RYR2: variants seen among roughly 807,000 people sequenced by gnomAD.
RYR2 encodes the protein cardiac muscle ryanodine receptor-calcium release channel.
Under a neutral mutation model 601.1 loss-of-function variants are expected in RYR2, and 227 were observed. The ratio of observed to expected loss-of-function variants is 0.38; its 90% confidence interval spans 0.34 to 0.42. RYR2 has a LOEUF of 0.42. Ranked by LOEUF, RYR2 falls within the 10% of genes least tolerant of loss-of-function variation. The pLI, the probability that RYR2 is intolerant of heterozygous loss-of-function variation, is 1.00. For synonymous variants in RYR2, 2,223 were observed against 2,175.1 expected, an observed-to-expected ratio of 1.02 and a Z score of -0.61; for missense variants, 4,646 against 6,156.5, an observed-to-expected ratio of 0.75 and a Z score of 8.21.
intron 24 of RYR2, among the ~76,000 whole-genome samples, chr1:237,517,829 T>A (rs542068777): frequency 1.3e-5 from 2 of 152,242 alleles, no homozygotes; most frequent in African/African-American, 4.8e-5. Flanking sequence ...ATTTTTTTTT[T>A]AAATTCACAA....
intron 29 of RYR2, among the ~76,000 whole-genome samples, chr1:237,579,021 GA>G (rs68141759): frequency 0.3 from 45,374 of 151,658 alleles, 7,274 homozygotes; most frequent in East Asian, 0.61. Flanking sequence ...AGCTTAGAGG[GA>G]AAAAAAAAGA....
chr1:237,728,279 C>T (rs1690362763), intron 76 of RYR2, among the ~76,000 whole-genome samples: 1 of 152,126 alleles, frequency 6.6e-6, no homozygotes, highest in African/African-American at 2.4e-5. Context: ...CATCGTGTCA[C>T]ACTCACTGGG....
At chr1:237,751,297 G>A (rs369076353) in intron 80 of RYR2, among the ~76,000 whole-genome samples, 13 of 152,144 alleles carry the variant, frequency 8.5e-5, no homozygotes, top group Non-Finnish European at 1.3e-4. Flanking sequence ...GTAAATGACC[G>A]CTGTTTTAAA....
chr1:237,112,952 C>CT (rs1669663059), intron 1 of RYR2, among the ~76,000 whole-genome samples: 1 of 152,114 alleles, frequency 6.6e-6, no homozygotes, highest in African/African-American at 2.4e-5. Flanking sequence ...CGTCATATAA[C>CT]TATTTATTAA....
intron 65 of RYR2, among the ~76,000 whole-genome samples, chr1:237,701,745 T>A (rs543054070): frequency 2.8e-4 from 42 of 152,096 alleles, no homozygotes; most frequent in Admixed American, 2.8e-3. Flanking sequence ...TACACATGGT[T>A]TAGTACCCAC....
At chr1:237,112,962 A>T (rs990343833) in intron 1 of RYR2, among the ~76,000 whole-genome samples, 1 of 152,092 alleles carries the variant, frequency 6.6e-6, no homozygotes, top group Admixed American at 6.6e-5. Flanking sequence ...CTATTTATTA[A>T]ATAAGCTTCA....
chr1:237,135,527 A>G (rs1270407163), intron 1 of RYR2, among the ~76,000 whole-genome samples: 1 of 114,334 alleles, frequency 8.7e-6, no homozygotes. Flanking sequence ...CCGCCACCAC[A>G]CCTAATTTTT....
chr1:237,229,122 A>C (rs1332547292), intron 1 of RYR2, among the ~76,000 whole-genome samples: 5 of 151,664 alleles, frequency 3.3e-5, no homozygotes, highest in Non-Finnish European at 4.4e-5. Context: ...GACCAGCTGT[A>C]GCATCGCATC....
intron 2 of RYR2, among the ~76,000 whole-genome samples, chr1:237,289,486 C>T (rs1480113338): frequency 6.6e-6 from 1 of 152,188 alleles, no homozygotes; most frequent in Non-Finnish European, 1.5e-5. Flanking sequence ...GCAAACACGT[C>T]CTTCTTCACA....
At chr1:237,109,833 C>A (rs961272029) in intron 1 of RYR2, among the ~76,000 whole-genome samples, 1 of 152,018 alleles carries the variant, frequency 6.6e-6, no homozygotes, top group African/African-American at 2.4e-5. Context: ...TCTGTGAGGG[C>A]CTTTTTGCTT....
At position 237,730,365 on chromosome 1, in the gene RYR2, T is replaced by G. The variant is rs771630023; in HGVS notation, c.10935+9T>G. On this transcript the variant is annotated intron_variant, in intron 77 of 104. Transcript: ENST00000366574. ...TGATAGAAGATTTAGCAGTATGTTT[T>G]TAGTGGGGCTCTAAGATGAAAGAGG... 1 of 1,451,790 alleles carries G rather than the reference T, an allele frequency of 6.9e-7. No homozygotes were observed. The highest frequency in any genetic ancestry group is 1.7e-5 in the Admixed American group (1 of 59,564). 89.9% of individuals were successfully genotyped at this position (1,451,790 alleles called of 1,614,324 possible).
At chr1:237,623,958 T>A in intron 39 of RYR2, 88 bp downstream of exon 39, 1 of 840,388 alleles carries the variant, frequency 1.2e-6, no homozygotes, top group Non-Finnish European at 2.0e-6. Context: ...ATGCGAATAT[T>A]TTCACGAATA....
chr1:237,135,640 T>A (rs1672690371), intron 1 of RYR2, among the ~76,000 whole-genome samples: 1 of 151,828 alleles, frequency 6.6e-6, no homozygotes, highest in Non-Finnish European at 1.5e-5. Context: ...CCTCCCAAAG[T>A]GCTGGGATTA....
intron 27 of RYR2, among the ~76,000 whole-genome samples, chr1:237,565,202 TC>T (rs761824153): frequency 4.3e-5 from 6 of 138,654 alleles, no homozygotes; most frequent in African/African-American, 1.1e-4. Flanking sequence ...TTTCTTTCTT[TC>T]TTTCTTTCTT....
chr1:237,397,897 A>G (rs571386877), intron 10 of RYR2, among the ~76,000 whole-genome samples: 1 of 151,410 alleles, frequency 6.6e-6, no homozygotes, highest in Non-Finnish European at 1.5e-5. Flanking sequence ...AATTTTTTGT[A>G]TTTTTAGTAG....
intron 3 of RYR2, among the ~76,000 whole-genome samples, chr1:237,338,398 A>C (rs1224516754): frequency 1.3e-5 from 2 of 152,168 alleles, no homozygotes; most frequent in Non-Finnish European, 2.9e-5. Flanking sequence ...CATGATTTAG[A>C]ATTTAAATTT....
At chr1:237,575,973 T>G (rs1037701757) in intron 29 of RYR2, among the ~76,000 whole-genome samples, 1 of 143,268 alleles carries the variant, frequency 7.0e-6, no homozygotes, top group African/African-American at 2.7e-5. Flanking sequence ...TTAAGAAAAG[T>G]AAATTAAAGA....
intron 25 of RYR2, among the ~76,000 whole-genome samples, chr1:237,541,762 G>A (rs1669289525): frequency 1.3e-5 from 2 of 152,144 alleles, no homozygotes; most frequent in Admixed American, 1.3e-4. Flanking sequence ...GTTCTCTGGT[G>A]GGCAGGAGTG....
intron 58 of RYR2, among the ~76,000 whole-genome samples, chr1:237,669,242 A>G (rs1359796711): frequency 4.6e-5 from 7 of 151,710 alleles, no homozygotes; most frequent in African/African-American, 7.2e-5. Flanking sequence ...TTTTCTTAGT[A>G]CAGAACAAAA....
Sources: gnomAD v4.1 joint callset for allele counts (sites outside exome capture counted in the v4.1 genomes callset) on GRCh38, gnomAD v4.1.1 for gene constraint, MANE v1.5 for transcripts, NCBI Gene and HGNC (gene_info 2026-07-23, HGNC 2026-07-21) for gene names.